Variants in MYLK4 observed in about 807,000 individuals in gnomAD.
MYLK4 encodes myosin light chain kinase family member 4, also known as caMLCK like.
Under a neutral mutation model 48.1 loss-of-function variants are expected in MYLK4, and 46 were observed. The ratio of observed to expected loss-of-function variants is 0.96; its 90% CI spans 0.75 to 1.22. The LOEUF (loss-of-function observed/expected upper bound fraction) is 1.22. MYLK4 is among the 50% of genes most tolerant of loss of function. MYLK4 has a pLI of 0.00. For synonymous variants in MYLK4, 170 were observed against 180.8 expected, an observed-to-expected ratio of 0.94 and a Z score of 0.48; for missense variants, 451 against 486.1, an observed-to-expected ratio of 0.93 and a Z score of 0.68.
chr6:2,697,978 C>G (rs1018167900), intron 2 of MYLK4, among the ~76,000 whole-genome samples: 7 of 152,220 alleles, frequency 4.6e-5, no homozygotes, highest in Non-Finnish European at 2.9e-5. Context: ...CCAGGCTGCC[C>G]TGGGGGCCAT....
chr6:2,691,492 AGTT>A (rs1422576453), intron 3 of MYLK4, among the ~76,000 whole-genome samples: 4 of 152,234 alleles, frequency 2.6e-5, no homozygotes, highest in African/African-American at 9.6e-5. Context: ...GAAACTGTGT[AGTT>A]GAGAAAGAAA....
In MYLK4 at chr6:2,673,049, G is replaced by C. The variant is rs2113088458; in HGVS notation, c.1120-1701C>G. Among the ~76,000 whole-genome samples, 1 of 151,718 alleles carries C rather than the reference G, an allele frequency of 6.6e-6. No homozygotes were observed. Among genetic ancestry groups the C allele is most frequent in the South Asian group, 2.1e-4 (1 of 4,794 alleles). On this transcript the variant is annotated intron_variant, in intron 11 of 12. Transcript: ENST00000274643. The surrounding 1 kb of genome is among the most constrained non-coding windows in gnomAD (Gnocchi z 4.2). ...CTCTTGAACTATCTATTCACCTCAG[G>C]TACCAGCAGATGGATGGATACAAAA...
intron 12 of MYLK4, 82 bp downstream of exon 12, chr6:2,671,194 C>A (rs993981686): frequency 1.0e-6 from 1 of 985,772 alleles, no homozygotes; most frequent in Non-Finnish European, 1.6e-6. Flanking sequence ...CCTGCATAGT[C>A]TGTGAGCAAA....
chr6:2,765,331 G>T, the MYLK4 span: 1 of 253,272 alleles, frequency 3.9e-6, no homozygotes, highest in East Asian at 7.9e-5. Flanking sequence ...AACGGCCACG[G>T]ACTACACTTA....
intron 2 of MYLK4, among the ~76,000 whole-genome samples, chr6:2,732,488 A>G (rs1281248817): frequency 1.3e-5 from 2 of 152,158 alleles, no homozygotes; most frequent in African/African-American, 4.8e-5. Context: ...ACTTAGCCAG[A>G]GCAGGGTAGA....
rs1316073212 is a variant in MYLK4, at chr6:2,731,971, CAG to C, written c.159+17163_159+17164del. On this transcript the variant is annotated intron_variant, in intron 2 of 12. Transcript: ENST00000274643. Reference sequence around the variant, plus strand: ...AGTCAGTCTGACCATCTCCAGGGAGCAGAGAGTGCACTCCATTTCTGCACAAA... The same window carrying C: ...AGTCAGTCTGACCATCTCCAGGGAGCAGAGTGCACTCCATTTCTGCACAAA... Among the ~76,000 whole-genome samples, 4 of 152,180 alleles carry C rather than the reference CAG, an allele frequency of 2.6e-5. No homozygotes were observed. In the South Asian group the frequency reaches 6.2e-4, roughly 24 times the overall value.
Position 2,717,119 on chromosome 6 carries a change from G to A in MYLK4, c.160-24260C>T, listed in dbSNP as rs117309832. 7.9e-5 allele frequency among the ~76,000 whole-genome samples: 12 copies of A among 152,324 alleles called. No individual in the cohort carries two copies. In the East Asian group the frequency reaches 1.9e-3, roughly 25 times the overall value. ...TATGACTGCCTGGTTAGCAGCCACTGCAGGCAAGGTGAACTCCTGAACTTT... is the reference window on the plus strand; with the variant it reads ...TATGACTGCCTGGTTAGCAGCCACTACAGGCAAGGTGAACTCCTGAACTTT... On this transcript the variant is annotated intron_variant, in intron 2 of 12. Coordinates refer to ENST00000274643, the MANE Select transcript of MYLK4 (RefSeq NM_001012418.5).
chr6:2,765,896 AGCGAGG>A, the MYLK4 span: 15 of 1,455,408 alleles, frequency 1.0e-5, no homozygotes, highest in Admixed American at 2.4e-5. Flanking sequence ...AGCCGAGAGC[AGCGAGG>A]GCGAGGGTGA....
intron 3 of MYLK4, 152 bp downstream of exon 3, chr6:2,692,632 A>G (rs1320541579): frequency 3.8e-6 from 2 of 523,164 alleles, no homozygotes; most frequent in Middle Eastern, 5.0e-4. Flanking sequence ...ACACAAGCAA[A>G]AAAAAAAAAA....
chr6:2,745,445 T>C (rs1764052055), intron 2 of MYLK4, among the ~76,000 whole-genome samples: 1 of 152,228 alleles, frequency 6.6e-6, no homozygotes, highest in Admixed American at 6.5e-5. Context: ...AATTTGGTCT[T>C]GTAAATTTTA....
In MYLK4 at chr6:2,746,920, C is replaced by G. The variant is rs1032160793; in HGVS notation, c.159+2216G>C. ...GCCTGCTGGCTGCCCTGGCACCCAC[C>G]AACTAGGCAGGCAGGGGCTCCAGGC... On this transcript the variant is annotated intron_variant, in intron 2 of 12. Coordinates refer to ENST00000274643, the MANE Select transcript of MYLK4 (RefSeq NM_001012418.5). Among the ~76,000 whole-genome samples the G allele has an allele frequency of 2.0e-5, 3 of 152,226 alleles. No homozygotes were observed. The South Asian group carries it at 6.2e-4, about 32-fold the overall frequency.
At chr6:2,686,270 A>AATGTT (rs1434825332) in intron 4 of MYLK4, among the ~76,000 whole-genome samples, 1 of 152,188 alleles carries the variant, frequency 6.6e-6, no homozygotes, top group Non-Finnish European at 1.5e-5. Context: ...AATACATATG[A>AATGTT]ATGTTATGAG....
intron 2 of MYLK4, among the ~76,000 whole-genome samples, chr6:2,715,604 G>A (rs1762839320): frequency 6.6e-6 from 1 of 152,154 alleles, no homozygotes; most frequent in Non-Finnish European, 1.5e-5. Flanking sequence ...GGATCTAGGG[G>A]AAAGGAGCAT....
chr6:2,695,979 A>G (rs9392415), intron 2 of MYLK4, among the ~76,000 whole-genome samples: 117,041 of 152,208 alleles, frequency 0.77, 45,239 homozygotes, highest in East Asian at 0.97. Flanking sequence ...CAGTGACTAT[A>G]TTCCTCTGCT....
chr6:2,766,266 C>G, the MYLK4 span: 1 of 1,559,420 alleles, frequency 6.4e-7, no homozygotes, highest in Non-Finnish European at 8.7e-7. Flanking sequence ...GCGCTGGCTG[C>G]CGAGGAGATC....
chr6:2,716,199 G>C (rs1461829256), intron 2 of MYLK4, among the ~76,000 whole-genome samples: 1 of 152,112 alleles, frequency 6.6e-6, no homozygotes, highest in African/African-American at 2.4e-5. Flanking sequence ...ACTACCATGT[G>C]GTCAGGACAA....
chr6:2,708,789 C>T (rs1414720589), intron 2 of MYLK4, among the ~76,000 whole-genome samples: 2 of 152,160 alleles, frequency 1.3e-5, no homozygotes, highest in African/African-American at 4.8e-5. Flanking sequence ...TCATCTTCTG[C>T]CTTTTGCGTC....
the MYLK4 span, chr6:2,768,709 A>G: frequency 1.2e-6 from 2 of 1,611,704 alleles, no homozygotes; most frequent in Non-Finnish European, 8.5e-7. Flanking sequence ...GGCTCACATC[A>G]TAGCCAGCAA....
the MYLK4 span, chr6:2,766,548 T>A: frequency 1.4e-6 from 2 of 1,407,766 alleles, no homozygotes; most frequent in Non-Finnish European, 1.9e-6. Context: ...GCCGCCTGCC[T>A]CTCCTGGATA....
Sources: allele counts gnomAD v4.1 joint callset (sites outside exome capture counted in the v4.1 genomes callset), GRCh38; gene constraint gnomAD v4.1.1; non-coding constraint Gnocchi (gnomAD v3.1); transcripts MANE v1.5; gene names NCBI Gene and HGNC (gene_info 2026-07-23, HGNC 2026-07-21).